Variants in VILL observed in about 807,000 individuals in gnomAD.
The protein encoded by VILL is villin-like protein.
VILL carries 102 observed loss-of-function variants against 106.3 expected under a neutral mutation model. The observed-to-expected ratio is 0.96, with a 90% CI of 0.82 to 1.13. VILL has a LOEUF of 1.13. VILL is among the 50% of genes most tolerant of loss of function. The probability of loss-of-function intolerance (pLI) is 0.00; values close to 1 mark genes in which losing one functional copy is unlikely to be tolerated. For synonymous variants in VILL, 431 were observed against 440.3 expected (o/e 0.98, Z 0.27); for missense variants, 1,076 against 1,116.6 (o/e 0.96, Z 0.52).
At chr3:38,002,275 C>A in intron 13 of VILL, 121 bp from the exon 14 acceptor site, 1 of 892,406 alleles carries the variant, frequency 1.1e-6, no homozygotes. Context: ...GTGAAATCAC[C>A]AGTGAGGGCC....
At chr3:38,000,890 C>G (rs188581578) in intron 11 of VILL, 265 of 456,688 alleles carry the variant, frequency 5.8e-4, no homozygotes, top group African/African-American at 4.8e-3. Context: ...GGGAAAGGCC[C>G]GAAGCTTAGA....
At position 38,003,230 on chromosome 3, in the gene VILL, T is replaced by G. The variant is rs1466907299; in HGVS notation, c.1722T>G (p.Asn574Lys). Residue 574 changes from asparagine to lysine, a missense_variant, in exon 15 of 20, where the codon AAT becomes AAG. Asn to Lys is a moderately conservative substitution (Grantham distance 94). Transcript: ENST00000383759. ...RVVVTVISRK[N>K]EETVLEGQEP... Reference sequence around the variant, plus strand: ...TGGTCACTGTCATTTCCAGGAAGAATGAGGAAACGGTGCTGGAGGGTCAGG... The same window carrying G: ...TGGTCACTGTCATTTCCAGGAAGAAGGAGGAAACGGTGCTGGAGGGTCAGG... 1 of 1,613,754 alleles carries G rather than the reference T, an allele frequency of 6.2e-7. No homozygotes were observed. The highest frequency in any genetic ancestry group is 1.3e-5 in the African/African-American group (1 of 74,928).
At chr3:37,996,140 T>C (rs1699696574) in intron 5 of VILL, among the ~76,000 whole-genome samples, 1 of 152,160 alleles carries the variant, frequency 6.6e-6, no homozygotes, top group African/African-American at 2.4e-5. Flanking sequence ...TGATTCATGA[T>C]GACACCACTG....
intron 1 of VILL, among the ~76,000 whole-genome samples, chr3:37,991,969 G>A (rs1699617207): frequency 6.6e-6 from 1 of 152,128 alleles, no homozygotes; most frequent in African/African-American, 2.4e-5. Context: ...GGCAGCTGAG[G>A]GCTTGGCTCT....
chr3:37,996,351 G>A (rs553219657), intron 5 of VILL, among the ~76,000 whole-genome samples: 14 of 152,192 alleles, frequency 9.2e-5, no homozygotes, highest in African/African-American at 3.1e-4. Flanking sequence ...TGTTATCCCC[G>A]GGTGCTCCTC....
At position 37,994,299 on chromosome 3, in the gene VILL, C is replaced by G; in HGVS notation, c.174C>G (p.Ser58Arg). ...CGAAGGCCACGCAGGGGGCGTCCAG[C>G]GACCTGCACTACTGGGTCGGGAAGC... ...QSPKATQGASSDLHYWVGKQA... is the reference protein window; with the variant it reads ...QSPKATQGASRDLHYWVGKQA... The change falls in exon 4 of 20, where the codon AGC becomes AGG. Residue 58 changes from serine to arginine, a missense_variant. By Grantham distance (110) the Ser-to-Arg change is moderately radical. Transcript: ENST00000383759. The G allele has an allele frequency of 1.9e-6, 3 of 1,611,470 alleles. No individual in the cohort carries two copies.
rs184474807 is a variant in VILL at position 38,004,304 on chromosome 3, A to C, written c.1855A>C (p.Ser619Arg). The C allele has an allele frequency of 3.5e-5, 57 of 1,613,970 alleles. No individual in the cohort carries two copies. In the Admixed American group the frequency reaches 7.8e-4, roughly 22 times the overall value. Residue 619 changes from serine (S) to arginine (R), a missense_variant, in exon 16 of 20, where the codon AGC (serine) becomes CGC (arginine). Ser to Arg is a moderately radical substitution (Grantham distance 110). Coordinates refer to ENST00000383759, the MANE Select transcript of VILL (RefSeq NM_015873.4). ...CCAGCCACGACTGTTTGAGTGCTCC[A>C]GCCACATGGGCTGCCTGGTCCTCGC... ...SFQPRLFECS[S>R]HMGCLVLAEV...
chr3:37,999,208 G>A (rs1699767773), intron 10 of VILL, 131 bp from the exon 11 acceptor site: 3 of 1,216,932 alleles, frequency 2.5e-6, no homozygotes, highest in African/African-American at 3.2e-5. Flanking sequence ...TCAGGATGAG[G>A]AAAGGGGCGT....
Position 38,006,459 on chromosome 3 carries a change from A to G in VILL, c.2216A>G (p.Asn739Ser). 1 of 1,601,540 alleles carries G rather than the reference A, an allele frequency of 6.2e-7. No individual in the cohort carries two copies. The highest frequency in any genetic ancestry group is 8.5e-7 in the Non-Finnish European group (1 of 1,171,370). The change falls in exon 19 of 20, where the codon AAC becomes AGC. Residue 739 changes from asparagine (N) to serine (S), a missense_variant. Physicochemically the swap from Asn to Ser is conservative, Grantham distance 46. Transcript: ENST00000383759. ...CTCCTCTCTGGACAGGAAGTCAACA[A>G]CTTGCGGCTATCCAGATGGCCGGGC... ...TISEITAEVNNLRLSRWPGNG... is the reference protein window; with the variant it reads ...TISEITAEVNSLRLSRWPGNG...
chr3:38,005,878 G>C lies in VILL; in HGVS notation c.2037G>C (p.Gly679=), dbSNP rs564713708. 6.2e-7 allele frequency: 1 copy of C among 1,614,158 alleles called. No individual in the cohort carries two copies. The highest frequency in any genetic ancestry group is 2.2e-5 in the East Asian group (1 of 44,878). The change falls in exon 17 of 20, where the codon GGG becomes GGC. Residue 679 remains glycine, a synonymous_variant. Coordinates refer to ENST00000383759, the MANE Select transcript of VILL (RefSeq NM_015873.4). ...GQEYLKTHPA[G]RSPATPIVLV... ...AGTACCTGAAGACTCACCCAGCAGG[G>C]AGGAGCCCGGCCACACCCATCGTGC...
rs1276106912 is a variant in VILL at position 37,997,708 on chromosome 3, G to A, written c.764+23G>A. 1.3e-5 allele frequency: 20 copies of A among 1,525,420 alleles called. No individual in the cohort carries two copies. Among genetic ancestry groups the A allele is most frequent in the Non-Finnish European group, 1.8e-5 (20 of 1,108,680 alleles). 94.5% of individuals were successfully genotyped at this position (1,525,420 alleles called of 1,614,324 possible). A position where few individuals can be genotyped will look rare whatever the true frequency, so the allele number is the denominator to read the frequency against. Reference sequence around the variant, plus strand: ...CCAGTGAGTACCCCTGGGGTGGGCAGGGGTGGGTGGGACAGTCCAGGACTC... The same window carrying A: ...CCAGTGAGTACCCCTGGGGTGGGCAAGGGTGGGTGGGACAGTCCAGGACTC... On this transcript the variant is annotated intron_variant, in intron 7 of 19. Coordinates refer to ENST00000383759, the MANE Select transcript of VILL (RefSeq NM_015873.4). The surrounding 1 kb of genome is among the most constrained non-coding windows in gnomAD (Gnocchi z 4.7).
chr3:37,996,558 T>A (rs1485677689), intron 5 of VILL, among the ~76,000 whole-genome samples: 2 of 152,194 alleles, frequency 1.3e-5, no homozygotes, highest in Admixed American at 1.3e-4. Context: ...TGAGTCTGCA[T>A]AGGCAGCCTG....
chr3:38,002,179 G>A (rs1356255678), intron 13 of VILL: 11 of 634,904 alleles, frequency 1.7e-5, no homozygotes, highest in Middle Eastern at 4.2e-4. Context: ...GAGATGGGGG[G>A]AAAGGTCCAT....
chr3:37,993,619 T>A lies in VILL; in HGVS notation c.-54T>A. 6.4e-7 allele frequency: 1 copy of A among 1,564,432 alleles called. No individual in the cohort carries two copies. Among genetic ancestry groups the A allele is most frequent in the Non-Finnish European group, 8.8e-7 (1 of 1,138,670 alleles). ...GGTAGCCAGGTGTCGGTCTCCAGCC[T>A]GAGAACTCTGGCTGTTGTTCCTTGT... is the stretch of plus-strand genomic sequence containing the variant. On this transcript the variant is annotated 5_prime_UTR_variant, in exon 2 of 20. Transcript: ENST00000383759.
intron 11 of VILL, chr3:38,001,141 T>C (rs1323867127): frequency 3.7e-6 from 2 of 534,052 alleles, no homozygotes; most frequent in Admixed American, 5.1e-5. Context: ...AGCGAGCAGC[T>C]GGGAGGGGAC....
rs763261064 is a variant in VILL at position 37,993,915 on chromosome 3, G to A, written c.78G>A (p.Pro26=). The part of the protein sequence containing the change: ...IWISENRKMV[P]VPEGAYGNFF... ...TCTCCCAGAACCGGAAGATGGTGCCGGTACCCGAGGGGGCTTACGGGAACT... is the reference window on the plus strand; with the variant it reads ...TCTCCCAGAACCGGAAGATGGTGCCAGTACCCGAGGGGGCTTACGGGAACT... The change falls in exon 3 of 20, where the codon CCG becomes CCA. Residue 26 remains proline, a synonymous_variant. Coordinates refer to ENST00000383759, the MANE Select transcript of VILL (RefSeq NM_015873.4). 4 of 1,614,198 alleles carry A rather than the reference G, an allele frequency of 2.5e-6. No homozygotes were observed. The highest frequency in any genetic ancestry group is 1.1e-5 in the South Asian group (1 of 91,086).
intron 4 of VILL, among the ~76,000 whole-genome samples, 158 bp downstream of exon 4, chr3:37,994,624 A>G (rs915475885): frequency 3.3e-5 from 5 of 152,196 alleles, no homozygotes; most frequent in Non-Finnish European, 7.3e-5. Context: ...CATACGATTC[A>G]CCCATTTAAA....
In VILL at chr3:37,994,330, G is replaced by A; in HGVS notation, c.205G>A (p.Gly69Ser). 1 of 1,611,696 alleles carries A rather than the reference G, an allele frequency of 6.2e-7. No individual in the cohort carries two copies. The highest frequency in any genetic ancestry group is 8.5e-7 in the Non-Finnish European group (1 of 1,179,762). Residue 69 changes from glycine to serine, a missense_variant, in exon 4 of 20, where the codon GGT becomes AGT. Physicochemically the swap from Gly to Ser is moderately conservative, Grantham distance 56 (BLOSUM62 0). Transcript: ENST00000383759. Reference protein sequence around the residue: ...DLHYWVGKQAGAEAQGAAEAF... With the variant: ...DLHYWVGKQASAEAQGAAEAF... ...GCACTACTGGGTCGGGAAGCAGGCG[G>A]GTGCGGAAGCGCAGGGCGCTGCGGA...
intron 19 of VILL, 27 bp from the exon 20 acceptor site, chr3:38,006,915 G>A: frequency 6.3e-7 from 1 of 1,597,414 alleles, no homozygotes; most frequent in Non-Finnish European, 8.6e-7. Flanking sequence ...ACCCTACCCT[G>A]TACCTCCCCC....
Sources: gnomAD v4.1 joint callset for allele counts (sites outside exome capture counted in the v4.1 genomes callset) on GRCh38, gnomAD v4.1.1 for gene constraint, Gnocchi (gnomAD v3.1) non-coding constraint, MANE v1.5 for transcripts, NCBI Gene and HGNC (gene_info 2026-07-23, HGNC 2026-07-21) for gene names.